WNT2B: variants seen among roughly 807,000 people sequenced by gnomAD.
WNT2B encodes the protein protein Wnt-2b.
A neutral mutation model predicts 40.5 loss-of-function variants in WNT2B; 19 were observed. That is an observed-to-expected ratio of 0.47 (90% CI 0.33 to 0.69). The LOEUF is 0.69. WNT2B is among the 30% of genes least tolerant of loss of function. The pLI is 0.02. For synonymous variants in WNT2B, 220 were observed against 211.9 expected (o/e 1.04, Z -0.33); for missense variants, 467 against 556.4 (o/e 0.84, Z 1.62).
In WNT2B at chr1:112,477,305, T is replaced by G. The variant is rs557872830; in HGVS notation, c.-95+9714T>G. Among the ~76,000 whole-genome samples, 8 of 152,036 alleles carry G rather than the reference T, an allele frequency of 5.3e-5. No individual in the cohort carries two copies. In the South Asian group the frequency reaches 1.2e-3, roughly 24 times the overall value. On this transcript the variant is annotated intron_variant, in intron 1 of 4. Transcript: ENST00000256640. Reference sequence around the variant, plus strand: ...GTATGCTGCTGTACCCACCATGGAGTTGGAGCTGATGCTGTGGCTTCCCAG... The same window carrying G: ...GTATGCTGCTGTACCCACCATGGAGGTGGAGCTGATGCTGTGGCTTCCCAG...
upstream of WNT2B, among the ~76,000 whole-genome samples, chr1:112,504,178 G>A (rs1433864769): frequency 6.6e-6 from 1 of 152,178 alleles, no homozygotes; most frequent in African/African-American, 2.4e-5. Flanking sequence ...GCCCGGAATG[G>A]CCGTCAGCCC....
chr1:112,469,766 A>G (rs1650816914), intron 1 of WNT2B, among the ~76,000 whole-genome samples: 1 of 151,972 alleles, frequency 6.6e-6, no homozygotes, highest in South Asian at 2.1e-4. Flanking sequence ...GGCACATGCC[A>G]CCATGCCTGG....
In WNT2B at chr1:112,478,525, G is replaced by T. The variant is rs150255196; in HGVS notation, c.-95+10934G>T. ...GGGACTATTGGAAGATTTCTCAGAAGAAAACTTGCTGACCAGGAGAAAATA... is the reference window on the plus strand; with the variant it reads ...GGGACTATTGGAAGATTTCTCAGAATAAAACTTGCTGACCAGGAGAAAATA... On this transcript the variant is annotated intron_variant, in intron 1 of 4. Transcript: ENST00000256640. 8.1e-3 allele frequency among the ~76,000 whole-genome samples: 1,225 copies of T among 152,018 alleles called. 18 individuals carry two copies. The highest frequency in any genetic ancestry group is 0.028 in the African/African-American group (1,152 of 41,456).
At chr1:112,508,059 G>A (rs539761022), upstream of WNT2B, among the ~76,000 whole-genome samples, 2 of 152,182 alleles carry the variant, frequency 1.3e-5, no homozygotes, top group Admixed American at 1.3e-4. The surrounding 1 kb of genome is among the most constrained non-coding windows in gnomAD (Gnocchi z 4.2). Context: ...AGGAGCAGTG[G>A]GGAGGAGGCA....
intron 1 of WNT2B, among the ~76,000 whole-genome samples, chr1:112,494,096 G>A (rs940921631): frequency 1.0e-4 from 15 of 146,612 alleles, no homozygotes; most frequent in African/African-American, 4.1e-4. Flanking sequence ...GATTGCCTGA[G>A]ATCAGGAGTT....
chr1:112,512,882 A>T (rs946761355), intron 1 of WNT2B, among the ~76,000 whole-genome samples: 1 of 152,202 alleles, frequency 6.6e-6, no homozygotes, highest in Admixed American at 6.5e-5. Context: ...TACTTAGTGG[A>T]GTAAGGGTGG....
chr1:112,488,954 G>A (rs1171866321), intron 1 of WNT2B, among the ~76,000 whole-genome samples: 1 of 152,030 alleles, frequency 6.6e-6, no homozygotes, highest in Admixed American at 6.6e-5. Context: ...CCTCCCAAAT[G>A]GGAATTCTCA....
In WNT2B at chr1:112,509,086, T is replaced by C; in HGVS notation, c.-177T>C. 7.4e-7 allele frequency: 1 copy of C among 1,351,472 alleles called. No individual in the cohort carries two copies. The allele number at this position is 1,351,472 out of a possible 1,614,324, so 83.7% of individuals were successfully genotyped here. On this transcript the variant is annotated 5_prime_UTR_variant, in exon 1 of 5. Coordinates refer to ENST00000369684, the MANE Select transcript of WNT2B (RefSeq NM_024494.3). This position sits in a 1 kb window ranked among gnomAD's most constrained non-coding sequence, Gnocchi z 4.2. ...GTCGTCGGCTTCCGGACATCGCAAC[T>C]TGCGCCCCTCTCGGGGATCCTCCTC...
intron 1 of WNT2B, among the ~76,000 whole-genome samples, chr1:112,494,870 T>TTAA (rs1484469605): frequency 6.6e-6 from 1 of 151,618 alleles, no homozygotes; most frequent in Non-Finnish European, 1.5e-5. Flanking sequence ...TTTCATATTC[T>TTAA]TAATTGTTCT....
At chr1:112,517,724 G>GA (rs1326841104) in intron 4 of WNT2B, 1 of 238,498 alleles carries the variant, frequency 4.2e-6, no homozygotes, top group Admixed American at 4.9e-5. Context: ...AGAAACATAA[G>GA]ATGCAGCCCT....
chr1:112,478,553 G>A (rs1387419015), intron 1 of WNT2B, among the ~76,000 whole-genome samples: 2 of 151,908 alleles, frequency 1.3e-5, no homozygotes, highest in Non-Finnish European at 2.9e-5. Context: ...AGAAAATAGG[G>A]TGATATAACC....
chr1:112,509,204 C>T lies in WNT2B; in HGVS notation c.-59C>T. The T allele has an allele frequency of 6.9e-7, 1 of 1,446,666 alleles. No homozygotes were observed. The highest frequency in any genetic ancestry group is 1.4e-5 in the South Asian group (1 of 69,630). 89.6% of individuals were successfully genotyped at this position (1,446,666 alleles called of 1,614,324 possible). A position where few individuals can be genotyped will look rare whatever the true frequency, so the allele number is the denominator to read the frequency against. On this transcript the variant is annotated 5_prime_UTR_variant, in exon 1 of 5. Coordinates refer to ENST00000369684, the MANE Select transcript of WNT2B (RefSeq NM_024494.3). This position sits in a 1 kb window ranked among gnomAD's most constrained non-coding sequence, Gnocchi z 4.2. The stretch of plus-strand genomic sequence containing the variant: ...GTGAGGTAGGAGCAGCCTGAGTACC[C>T]CCAGAAGGTGCCCCGTCCACGCCCC...
chr1:112,499,715 TATC>T (rs553290347), intron 1 of WNT2B, among the ~76,000 whole-genome samples: 9 of 152,360 alleles, frequency 5.9e-5, no homozygotes, highest in Admixed American at 1.3e-4. Context: ...ATCAGAGTGT[TATC>T]ATTGCATGGT....
intron 1 of WNT2B, among the ~76,000 whole-genome samples, chr1:112,503,900 A>C (rs1652033580): frequency 6.6e-6 from 1 of 152,184 alleles, no homozygotes; most frequent in Admixed American, 6.5e-5. Flanking sequence ...TGGGGAGAGT[A>C]TGAGAACAAG....
intron 1 of WNT2B, among the ~76,000 whole-genome samples, chr1:112,486,200 T>C (rs1388715708): frequency 6.7e-6 from 1 of 150,330 alleles, no homozygotes; most frequent in Non-Finnish European, 1.5e-5. Context: ...CCTAGCACTT[T>C]GGGAGGCCAA....
At chr1:112,516,540 C>G (rs1570796799) in intron 3 of WNT2B, 123 bp downstream of exon 3, 1 of 1,321,836 alleles carries the variant, frequency 7.6e-7, no homozygotes, top group African/African-American at 1.5e-5. Flanking sequence ...TCCAAAAGCC[C>G]CAACATCCTG....
rs1570788616 is a variant in WNT2B at position 112,509,148 on chromosome 1, C to A, written c.-115C>A. The A allele has an allele frequency of 7.3e-7, 1 of 1,376,328 alleles. No homozygotes were observed. Among genetic ancestry groups the A allele is most frequent in the Non-Finnish European group, 9.3e-7 (1 of 1,073,844 alleles). The allele number at this position is 1,376,328 out of a possible 1,614,324, so 85.3% of individuals were successfully genotyped here. ...ACCCCAGGTGATCCTAGGTCCCCAGCCGCCGGCGAACACCATGGCCCCCCA... is the reference window on the plus strand; with the variant it reads ...ACCCCAGGTGATCCTAGGTCCCCAGACGCCGGCGAACACCATGGCCCCCCA... On this transcript the variant is annotated 5_prime_UTR_variant, in exon 1 of 5. Transcript: ENST00000369684. This position sits in a 1 kb window ranked among gnomAD's most constrained non-coding sequence, Gnocchi z 4.2.
intron 1 of WNT2B, among the ~76,000 whole-genome samples, chr1:112,484,619 A>G (rs1361059081): frequency 6.6e-6 from 1 of 151,626 alleles, no homozygotes; most frequent in Admixed American, 6.6e-5. Context: ...TTAAATCACC[A>G]AACTCCATGC....
chr1:112,511,640 C>T (rs973197308), intron 1 of WNT2B, among the ~76,000 whole-genome samples: 1 of 152,144 alleles, frequency 6.6e-6, no homozygotes, highest in Non-Finnish European at 1.5e-5. Flanking sequence ...TAACCACTGC[C>T]CTCCCTCTAT....
Sources: gnomAD v4.1 joint callset for allele counts (sites outside exome capture counted in the v4.1 genomes callset) on GRCh38, gnomAD v4.1.1 for gene constraint, Gnocchi (gnomAD v3.1) non-coding constraint, MANE v1.5 for transcripts, NCBI Gene and HGNC (gene_info 2026-07-23, HGNC 2026-07-21) for gene names.